PKNOX2: variants seen among roughly 807,000 people sequenced by gnomAD.
PKNOX2 encodes homeobox protein PKNOX2.
Under a neutral mutation model 53.1 loss-of-function variants are expected in PKNOX2, and 14 were observed. That is an observed-to-expected ratio of 0.26 (90% CI 0.17 to 0.41). The LOEUF is 0.41. PKNOX2 is among the 10% of genes least tolerant of loss of function. The probability of loss-of-function intolerance (pLI) is 1.00; values close to 1 mark genes in which losing one functional copy is unlikely to be tolerated. For synonymous variants in PKNOX2, 257 were observed against 242.8 expected (o/e 1.06, Z -0.54); for missense variants, 496 against 602.8 (o/e 0.82, Z 1.85).
chr11:125,362,376 C>A (rs1487313234), intron 4 of PKNOX2, among the ~76,000 whole-genome samples: 1 of 151,860 alleles, frequency 6.6e-6, no homozygotes, highest in African/African-American at 2.4e-5. Flanking sequence ...TTTTCTTTTT[C>A]TTTTTTTGTT....
At chr11:125,289,662 C>G (rs867001367) in intron 2 of PKNOX2, among the ~76,000 whole-genome samples, 5 of 152,072 alleles carry the variant, frequency 3.3e-5, no homozygotes, top group Non-Finnish European at 7.4e-5. Context: ...GAAGAGATCA[C>G]TCCTAAAAAC....
chr11:125,377,654 T>G (rs11824486), intron 5 of PKNOX2, among the ~76,000 whole-genome samples: 6,898 of 152,290 alleles, frequency 0.045, 477 homozygotes, highest in African/African-American at 0.15. Flanking sequence ...TTTTACAGGG[T>G]TGTCCAATCT....
intron 2 of PKNOX2, among the ~76,000 whole-genome samples, chr11:125,248,159 A>G (rs1943703107): frequency 6.6e-6 from 1 of 152,176 alleles, no homozygotes; most frequent in African/African-American, 2.4e-5. Flanking sequence ...GAACAAATGA[A>G]CAGGACTATT....
chr11:125,217,008 A>AACACACACACAC (rs10571639), intron 1 of PKNOX2, among the ~76,000 whole-genome samples: 3 of 147,120 alleles, frequency 2.0e-5, no homozygotes, highest in South Asian at 2.2e-4. Flanking sequence ...ATCCCCTCAA[A>AACACACACACAC]ACACACACAC....
At chr11:125,250,497 C>G (rs1426420360) in intron 2 of PKNOX2, among the ~76,000 whole-genome samples, 1 of 152,156 alleles carries the variant, frequency 6.6e-6, no homozygotes, top group Non-Finnish European at 1.5e-5. Flanking sequence ...GACAGGCAGA[C>G]TTCTCAACAA....
chr11:125,213,073 C>T (rs921763382), intron 1 of PKNOX2, among the ~76,000 whole-genome samples: 3 of 152,146 alleles, frequency 2.0e-5, no homozygotes, highest in Non-Finnish European at 2.9e-5. Flanking sequence ...CTCTCGGCCT[C>T]CTTGGGCCAC....
At chr11:125,302,957 C>T (rs1948176978) in intron 2 of PKNOX2, among the ~76,000 whole-genome samples, 1 of 152,202 alleles carries the variant, frequency 6.6e-6, no homozygotes. Flanking sequence ...CATGGCTAGT[C>T]TGTTCTTCCT....
intron 2 of PKNOX2, among the ~76,000 whole-genome samples, chr11:125,244,817 G>T (rs185462819): frequency 9.9e-4 from 151 of 152,170 alleles, no homozygotes; most frequent in Non-Finnish European, 1.6e-3. Context: ...TGAGCATCTG[G>T]GGGAGGGCAG....
Position 125,398,079 on chromosome 11 carries a change from G to T in PKNOX2, c.588+17G>T. 1 of 1,597,802 alleles carries T rather than the reference G, an allele frequency of 6.3e-7. No homozygotes were observed. The highest frequency in any genetic ancestry group is 1.1e-5 in the South Asian group (1 of 88,204). On this transcript the variant is annotated intron_variant, in intron 7 of 12. Transcript: ENST00000298282. Reference sequence around the variant, plus strand: ...CACTCACAGGTAACACCCAGAGCTGGGTCCCATCTCTTAAGCCAGGCTCCT... The same window carrying T: ...CACTCACAGGTAACACCCAGAGCTGTGTCCCATCTCTTAAGCCAGGCTCCT...
intron 5 of PKNOX2, among the ~76,000 whole-genome samples, chr11:125,376,961 T>C (rs1481458183): frequency 1.3e-5 from 2 of 152,174 alleles, no homozygotes; most frequent in African/African-American, 4.8e-5. Flanking sequence ...AAGATGCCTC[T>C]CCCTCCTCTT....
chr11:125,166,012 T>C lies in PKNOX2; in HGVS notation c.-201+1236T>C, dbSNP rs924158804. 6.6e-6 allele frequency among the ~76,000 whole-genome samples: 1 copy of C among 151,548 alleles called. No individual in the cohort carries two copies. Among genetic ancestry groups the C allele is most frequent in the African/African-American group, 2.4e-5 (1 of 41,224 alleles). ...GCGGTGGGGAGACTCGGGTTGGGAA[T>C]TGAGGGGTAGGGGCTTGTGGATCGG... is the stretch of plus-strand genomic sequence containing the variant. On this transcript the variant is annotated intron_variant, in intron 1 of 12. Transcript: ENST00000298282. The surrounding 1 kb of genome is among the most constrained non-coding windows in gnomAD (Gnocchi z 4.0).
intron 2 of PKNOX2, among the ~76,000 whole-genome samples, chr11:125,331,013 C>G (rs1365278088): frequency 6.6e-6 from 1 of 151,426 alleles, no homozygotes; most frequent in African/African-American, 2.4e-5. Flanking sequence ...GCAGCCCCCT[C>G]CCCCGACCCT....
At chr11:125,311,329 T>A (rs1278673966) in intron 2 of PKNOX2, among the ~76,000 whole-genome samples, 1 of 152,126 alleles carries the variant, frequency 6.6e-6, no homozygotes, top group Non-Finnish European at 1.5e-5. Context: ...CCACCAATAT[T>A]TTTTTGATCA....
At chr11:125,346,140 C>T (rs1465362651) in intron 3 of PKNOX2, among the ~76,000 whole-genome samples, 1 of 141,172 alleles carries the variant, frequency 7.1e-6, no homozygotes, top group African/African-American at 2.7e-5. Context: ...TCTGTCTAGA[C>T]GTCAGAACCC....
chr11:125,325,784 A>G (rs1383477001), intron 2 of PKNOX2, among the ~76,000 whole-genome samples: 1 of 152,182 alleles, frequency 6.6e-6, no homozygotes, highest in Non-Finnish European at 1.5e-5. Flanking sequence ...ACAGAAACCT[A>G]GGATTGGAAT....
chr11:125,207,452 A>G (rs1194021057), intron 1 of PKNOX2, among the ~76,000 whole-genome samples: 1 of 152,022 alleles, frequency 6.6e-6, no homozygotes, highest in Non-Finnish European at 1.5e-5. Flanking sequence ...AGCAGTGGAC[A>G]AAAGCAGAAT....
intron 1 of PKNOX2, among the ~76,000 whole-genome samples, chr11:125,231,813 T>C (rs1020318822): frequency 6.6e-6 from 1 of 152,088 alleles, no homozygotes; most frequent in Non-Finnish European, 1.5e-5. Flanking sequence ...ACTCTTTATT[T>C]TGGGGGAGAT....
intron 5 of PKNOX2, among the ~76,000 whole-genome samples, chr11:125,375,549 C>T (rs1448772112): frequency 1.3e-5 from 2 of 152,222 alleles, no homozygotes; most frequent in African/African-American, 2.4e-5. Context: ...CATTTAACCA[C>T]ACAGCACATC....
At position 125,332,977 on chromosome 11, in the gene PKNOX2, A is replaced by T. The variant is rs897095744; in HGVS notation, c.-23+1052A>T. Among the ~76,000 whole-genome samples the T allele has an allele frequency of 3.3e-5, 5 of 151,966 alleles. No homozygotes were observed. In the East Asian group the frequency reaches 9.6e-4, roughly 29 times the overall value. On this transcript the variant is annotated intron_variant, in intron 3 of 12. Coordinates refer to ENST00000298282, the MANE Select transcript of PKNOX2 (RefSeq NM_001382323.2). The stretch of plus-strand genomic sequence containing the variant: ...CAATGAGGGGTGGGTGGCATGGGAG[A>T]GCTGTGGCTCCTCGCGGTGGAAGCT...
Sources: allele counts gnomAD v4.1 joint callset (sites outside exome capture counted in the v4.1 genomes callset), GRCh38; gene constraint gnomAD v4.1.1; non-coding constraint Gnocchi (gnomAD v3.1); transcripts MANE v1.5; gene names NCBI Gene and HGNC (gene_info 2026-07-23, HGNC 2026-07-21).